HHLA2: variants seen among roughly 807,000 people sequenced by gnomAD.
The protein encoded by HHLA2 is HERV-H LTR-associating protein 2.
In HHLA2, 48 loss-of-function variants were observed where a neutral mutation model predicts 45.9. That is an observed-to-expected ratio of 1.05 (90% confidence interval 0.83 to 1.33). The LOEUF is 1.33. Among genes scored for constraint, HHLA2 ranks in the 40% most tolerant of loss-of-function variants. The pLI, the probability that HHLA2 is intolerant of heterozygous loss-of-function variation, is 0.00. For synonymous variants in HHLA2, 161 were observed against 173.9 expected (o/e 0.93, Z 0.59); for missense variants, 462 against 494.3 (o/e 0.93, Z 0.62).
chr3:108,371,435 A>C (rs1042257233), intron 8 of HHLA2, among the ~76,000 whole-genome samples: 8 of 152,228 alleles, frequency 5.3e-5, no homozygotes, highest in African/African-American at 1.9e-4. Flanking sequence ...CAAAATAACC[A>C]GCTAACATCA....
chr3:108,296,684 C>G (rs1336748711), intron 1 of HHLA2, 85 bp downstream of exon 1: 2 of 152,172 alleles, frequency 1.3e-5, no homozygotes, highest in African/African-American at 4.8e-5. Context: ...TTAGTTGACA[C>G]TTTATTTTCC....
chr3:108,351,876 A>G (rs913246841), exon 4 of HHLA2: 3 of 1,604,756 alleles, frequency 1.9e-6, no homozygotes, highest in East Asian at 2.2e-5. Flanking sequence ...GTGGATCTCA[A>G]GGTAATTTCG....
chr3:108,312,827 G>T (rs2081042817), intron 2 of HHLA2, among the ~76,000 whole-genome samples: 1 of 152,156 alleles, frequency 6.6e-6, no homozygotes. Context: ...TGCCTCAAGG[G>T]AACCTGAACT....
intron 7 of HHLA2, among the ~76,000 whole-genome samples, chr3:108,361,448 C>A (rs1183034187): frequency 2.0e-5 from 3 of 152,004 alleles, no homozygotes; most frequent in Non-Finnish European, 4.4e-5. Flanking sequence ...GATCAAGTAA[C>A]CCTTATTTTA....
chr3:108,318,013 C>G (rs1219624833), intron 2 of HHLA2, among the ~76,000 whole-genome samples: 2 of 151,902 alleles, frequency 1.3e-5, no homozygotes, highest in Admixed American at 6.6e-5. Flanking sequence ...GAAACCCTGT[C>G]TGTACTAAAA....
intron 2 of HHLA2, among the ~76,000 whole-genome samples, chr3:108,312,973 G>A (rs989104343): frequency 1.3e-5 from 2 of 152,122 alleles, no homozygotes; most frequent in African/African-American, 4.8e-5. Context: ...CTTGAGGAAC[G>A]AACAGTTGTG....
intron 2 of HHLA2, among the ~76,000 whole-genome samples, chr3:108,316,979 G>A (rs1434643541): frequency 6.6e-6 from 1 of 152,162 alleles, no homozygotes; most frequent in Non-Finnish European, 1.5e-5. Context: ...ATTTCTTCAT[G>A]GGACTAAGTT....
chr3:108,308,861 A>AT (rs2080972739), intron 1 of HHLA2, among the ~76,000 whole-genome samples: 1 of 151,978 alleles, frequency 6.6e-6, no homozygotes, highest in Non-Finnish European at 1.5e-5. Context: ...GGATTATTAG[A>AT]TTTTTTCCTA....
intron 3 of HHLA2, among the ~76,000 whole-genome samples, chr3:108,341,177 T>C (rs1011491238): frequency 6.6e-6 from 1 of 152,042 alleles, no homozygotes; most frequent in African/African-American, 2.4e-5. Context: ...GGTGTCGAAC[T>C]GCTGACCTCA....
chr3:108,337,564 G>A (rs2081495097), intron 3 of HHLA2, among the ~76,000 whole-genome samples: 1 of 152,154 alleles, frequency 6.6e-6, no homozygotes, highest in Admixed American at 6.6e-5. Context: ...AGTTAACTGA[G>A]CAGCTTATAT....
chr3:108,362,293 G>A (rs1418598107), intron 7 of HHLA2, 49 bp from the exon 7 acceptor site: 4 of 1,368,746 alleles, frequency 2.9e-6, no homozygotes, highest in African/African-American at 1.5e-5. Context: ...TTCTTATCTG[G>A]TAATTTTTCT....
At chr3:108,367,620 A>AACTT (rs1173437487) in intron 8 of HHLA2, among the ~76,000 whole-genome samples, 2 of 151,976 alleles carry the variant, frequency 1.3e-5, no homozygotes, top group African/African-American at 4.8e-5. Flanking sequence ...ACTGAAGATC[A>AACTT]ACTTACTGAA....
chr3:108,321,090 T>TAAAAAAA (rs2081191366), intron 2 of HHLA2, among the ~76,000 whole-genome samples: 3 of 9,426 alleles, frequency 3.2e-4, no homozygotes, highest in Non-Finnish European at 2.1e-3. Flanking sequence ...CTCCAGGTGT[T>TAAAAAAA]TAAAAAAAAA....
At position 108,348,648 on chromosome 3, in the gene HHLA2, CTTT is replaced by C. The variant is rs71629350; in HGVS notation, c.-26-3130_-26-3128del. On this transcript the variant is annotated intron_variant, in intron 3 of 10. Transcript: ENST00000619531. ...GAAATATGATTGCAGGGACAAATTT[CTTT>C]TTTTTTTTTAATTATACTTTAAATT... 5.7e-3 allele frequency among the ~76,000 whole-genome samples: 845 copies of C among 149,252 alleles called. 6 individuals are homozygous for C. The highest frequency in any genetic ancestry group is 0.019 in the African/African-American group (792 of 40,680).
chr3:108,316,789 T>C (rs1453853087), intron 2 of HHLA2, among the ~76,000 whole-genome samples: 1 of 152,246 alleles, frequency 6.6e-6, no homozygotes, highest in African/African-American at 2.4e-5. Context: ...CCTATTTTTT[T>C]TTCCAAATAA....
intron 6 of HHLA2, among the ~76,000 whole-genome samples, chr3:108,356,627 T>C (rs1480839386): frequency 6.6e-6 from 1 of 152,222 alleles, no homozygotes; most frequent in Non-Finnish European, 1.5e-5. Context: ...ATTTCTCATG[T>C]TCATTTAGAA....
chr3:108,311,187 A>T (rs17241163), intron 2 of HHLA2, among the ~76,000 whole-genome samples: 2 of 152,170 alleles, frequency 1.3e-5, no homozygotes, highest in African/African-American at 2.4e-5. Flanking sequence ...GTGTTTTCTA[A>T]TAAGCCTGTA....
intron 8 of HHLA2, among the ~76,000 whole-genome samples, chr3:108,371,313 G>C (rs917783297): frequency 1.3e-5 from 2 of 152,066 alleles, no homozygotes; most frequent in African/African-American, 2.4e-5. Flanking sequence ...CCCTAAAAGA[G>C]CTCCTGAAGA....
intron 2 of HHLA2, among the ~76,000 whole-genome samples, chr3:108,325,285 C>T (rs2081268219): frequency 6.6e-6 from 1 of 152,162 alleles, no homozygotes; most frequent in Admixed American, 6.5e-5. Context: ...AAACGTTCCA[C>T]AAACAGAAAC....
Sources: allele counts gnomAD v4.1 joint callset (sites outside exome capture counted in the v4.1 genomes callset), GRCh38; gene constraint gnomAD v4.1.1; transcripts MANE v1.5; gene names NCBI Gene and HGNC (gene_info 2026-07-23, HGNC 2026-07-21).